AGAP1: variants seen among roughly 807,000 people sequenced by gnomAD.
The protein encoded by AGAP1 is arf-GAP with GTPase, ANK repeat and PH domain-containing protein 1.
AGAP1 carries 29 observed loss-of-function variants against 105.3 expected under a neutral mutation model. The observed-to-expected ratio is 0.28, with a 90% CI of 0.21 to 0.38. AGAP1 has a LOEUF of 0.38. AGAP1 is among the 10% of genes least tolerant of loss of function. AGAP1 has a pLI of 1.00. For synonymous variants in AGAP1, 509 were observed against 485.9 expected (o/e 1.05, Z -0.63); for missense variants, 998 against 1,165.1 (o/e 0.86, Z 2.09).
At chr2:235,913,607 C>G (rs1442335887) in intron 11 of AGAP1, among the ~76,000 whole-genome samples, 1 of 152,166 alleles carries the variant, frequency 6.6e-6, no homozygotes, top group Non-Finnish European at 1.5e-5. Flanking sequence ...AGATGTATGA[C>G]TCCGTTTGTA....
At chr2:235,928,416 A>G (rs2052558277) in intron 11 of AGAP1, among the ~76,000 whole-genome samples, 1 of 152,136 alleles carries the variant, frequency 6.6e-6, no homozygotes, top group South Asian at 2.1e-4. Flanking sequence ...AGGGCCAAGG[A>G]GAGAGGGGGT....
At chr2:235,693,702 A>G (rs924624859) in intron 1 of AGAP1, among the ~76,000 whole-genome samples, 23 of 152,174 alleles carry the variant, frequency 1.5e-4, no homozygotes, top group African/African-American at 5.6e-4. Context: ...AAACCCCACA[A>G]AACATTAGAA....
intron 1 of AGAP1, among the ~76,000 whole-genome samples, chr2:235,698,126 A>G (rs527469810): frequency 6.6e-6 from 1 of 152,136 alleles, no homozygotes; most frequent in South Asian, 2.1e-4. Flanking sequence ...CATAAAGAGC[A>G]CACATCCTAG....
intron 9 of AGAP1, among the ~76,000 whole-genome samples, chr2:235,829,840 G>C (rs949995764): frequency 1.3e-5 from 2 of 152,162 alleles, no homozygotes; most frequent in Non-Finnish European, 2.9e-5. Context: ...TGCCGTGCAG[G>C]GGGTGGTCAA....
In AGAP1 at chr2:235,517,466, T is replaced by C. The variant is rs1483750661; in HGVS notation, c.163+22617T>C. 6.6e-6 allele frequency among the ~76,000 whole-genome samples: 1 copy of C among 152,122 alleles called. No homozygotes were observed. Among genetic ancestry groups the C allele is most frequent in the Non-Finnish European group, 1.5e-5 (1 of 68,016 alleles). On this transcript the variant is annotated intron_variant, in intron 1 of 17. Transcript: ENST00000304032. The surrounding 1 kb of genome is among the most constrained non-coding windows in gnomAD (Gnocchi z 4.1). ...ACATAGCTGTGCCCAACGTAGATCT[T>C]TATGGTAATTTTATTTTAATTGAGG...
chr2:235,820,878 C>G (rs1958750386), intron 9 of AGAP1, among the ~76,000 whole-genome samples: 1 of 152,112 alleles, frequency 6.6e-6, no homozygotes, highest in Admixed American at 6.5e-5. Flanking sequence ...GTATCATTAA[C>G]AAAGAATGAT....
At chr2:235,598,835 GAT>G (rs1945632041) in intron 1 of AGAP1, among the ~76,000 whole-genome samples, 1 of 152,132 alleles carries the variant, frequency 6.6e-6, no homozygotes, top group South Asian at 2.1e-4. Flanking sequence ...TATTTTTTAA[GAT>G]AATTTATTTT....
intron 13 of AGAP1, among the ~76,000 whole-genome samples, chr2:236,007,162 A>C (rs1300860386): frequency 6.6e-6 from 1 of 152,194 alleles, no homozygotes; most frequent in Non-Finnish European, 1.5e-5. Context: ...CTTTGTATTA[A>C]TGCTTGATTG....
chr2:235,780,159 A>G (rs2149922563), intron 6 of AGAP1, among the ~76,000 whole-genome samples: 1 of 152,248 alleles, frequency 6.6e-6, no homozygotes, highest in East Asian at 1.9e-4. Context: ...ATTTCTTGAT[A>G]CAGTGGTGCC....
chr2:235,762,648 C>T (rs1242125646), intron 6 of AGAP1, among the ~76,000 whole-genome samples: 1 of 151,976 alleles, frequency 6.6e-6, no homozygotes, highest in Non-Finnish European at 1.5e-5. Context: ...CAGGTGGATC[C>T]CCTGAGGTCA....
At chr2:235,588,480 G>T (rs1275559563) in intron 1 of AGAP1, among the ~76,000 whole-genome samples, 1 of 151,944 alleles carries the variant, frequency 6.6e-6, no homozygotes, top group African/African-American at 2.4e-5. Flanking sequence ...AGGACTCCCG[G>T]TGGCTGCTAC....
At chr2:235,638,726 C>G (rs1028960578) in intron 1 of AGAP1, among the ~76,000 whole-genome samples, 1 of 152,210 alleles carries the variant, frequency 6.6e-6, no homozygotes, top group Non-Finnish European at 1.5e-5. Context: ...CATGGCTGCT[C>G]TGGCTTGCCA....
intron 1 of AGAP1, among the ~76,000 whole-genome samples, chr2:235,685,574 C>T (rs1228834558): frequency 1.3e-5 from 2 of 151,742 alleles, no homozygotes; most frequent in Non-Finnish European, 2.9e-5. Flanking sequence ...CTGCTCCACG[C>T]GTATACAGGG....
intron 10 of AGAP1, among the ~76,000 whole-genome samples, chr2:235,903,946 G>A (rs868832434): frequency 2.0e-5 from 3 of 151,988 alleles, no homozygotes; most frequent in Middle Eastern, 3.4e-3. Flanking sequence ...ATGACTCCGC[G>A]TCCTTCTCCA....
intron 12 of AGAP1, among the ~76,000 whole-genome samples, chr2:235,954,574 T>C (rs1159668168): frequency 2.0e-5 from 3 of 149,958 alleles, no homozygotes; most frequent in Non-Finnish European, 4.4e-5. Flanking sequence ...GCGTTTTAAC[T>C]GTGTGAATGA....
chr2:235,594,361 C>T (rs901760946), intron 1 of AGAP1, among the ~76,000 whole-genome samples: 8 of 151,746 alleles, frequency 5.3e-5, no homozygotes, highest in East Asian at 1.9e-4. Flanking sequence ...TCAGAGGTAG[C>T]GTCTCCTCCT....
intron 12 of AGAP1, among the ~76,000 whole-genome samples, chr2:235,956,898 C>G (rs1173140550): frequency 6.6e-6 from 1 of 152,220 alleles, no homozygotes; most frequent in Non-Finnish European, 1.5e-5. Context: ...CCCTCTGACC[C>G]TCTCCCCCGT....
At chr2:235,561,020 G>A (rs1944132595) in intron 1 of AGAP1, among the ~76,000 whole-genome samples, 1 of 152,330 alleles carries the variant, frequency 6.6e-6, no homozygotes, top group Admixed American at 6.5e-5. Flanking sequence ...AGAGGTGGGA[G>A]TGTTTCTTTG....
Position 235,864,110 on chromosome 2 carries a change from T to C in AGAP1, c.1051-19235T>C, listed in dbSNP as rs1317570061. ...GCAAGCGGGCCGTTCCCACGTGATTTAATAAACAGTTGCTGTAGCATGTGT... is the reference window on the plus strand; with the variant it reads ...GCAAGCGGGCCGTTCCCACGTGATTCAATAAACAGTTGCTGTAGCATGTGT... On this transcript the variant is annotated intron_variant, in intron 9 of 17. Coordinates refer to ENST00000304032, the MANE Select transcript of AGAP1 (RefSeq NM_001037131.3). The surrounding 1 kb of genome is among the most constrained non-coding windows in gnomAD (Gnocchi z 5.0). Among the ~76,000 whole-genome samples the C allele has an allele frequency of 6.6e-6, 1 of 152,248 alleles. No homozygotes were observed. Among genetic ancestry groups the C allele is most frequent in the East Asian group, 1.9e-4 (1 of 5,190 alleles).
Sources: gnomAD v4.1 joint callset for allele counts (sites outside exome capture counted in the v4.1 genomes callset) on GRCh38, gnomAD v4.1.1 for gene constraint, Gnocchi (gnomAD v3.1) non-coding constraint, MANE v1.5 for transcripts, NCBI Gene and HGNC (gene_info 2026-07-23, HGNC 2026-07-21) for gene names.